UBAP2: variants seen among roughly 807,000 people sequenced by gnomAD.
The protein encoded by UBAP2 is ubiquitin associated protein 2.
In UBAP2, 75 loss-of-function variants were observed where a neutral mutation model predicts 139.6. The ratio of observed to expected loss-of-function variants is 0.54; its 90% confidence interval spans 0.45 to 0.65. UBAP2 has a LOEUF of 0.65. Ranked by LOEUF, UBAP2 falls within the 30% of genes least tolerant of loss-of-function variation. The pLI is 0.00. For synonymous variants in UBAP2, 526 were observed against 526.2 expected (o/e 1.00, Z 0.01); for missense variants, 1,368 against 1,369.6 (o/e 1.00, Z 0.02).
At chr9:33,981,154 TATATTCTGG>T (rs1484660190) in intron 6 of UBAP2, among the ~76,000 whole-genome samples, 1 of 38,328 alleles carries the variant, frequency 2.6e-5, no homozygotes, top group Non-Finnish European at 5.0e-5. Context: ...TATATATATA[TATATTCTGG>T]ATATATATAT....
chr9:34,006,093 C>T (rs1370901785), intron 2 of UBAP2, among the ~76,000 whole-genome samples: 2 of 151,950 alleles, frequency 1.3e-5, no homozygotes, highest in East Asian at 3.9e-4. Context: ...ATTAGCCGGG[C>T]ATGGTGGCGT....
At chr9:33,981,142 G>GAT (rs1268832117) in intron 6 of UBAP2, among the ~76,000 whole-genome samples, 86 of 972 alleles carry the variant, frequency 0.088, 32 homozygotes, top group African/African-American at 0.17. Flanking sequence ...ATATATTCTG[G>GAT]ATATATATAT....
At chr9:33,929,737 C>G (rs1823796492) in intron 19 of UBAP2, among the ~76,000 whole-genome samples, 1 of 152,202 alleles carries the variant, frequency 6.6e-6, no homozygotes, top group South Asian at 2.1e-4. Flanking sequence ...CACGGTGGCT[C>G]ACGCCTGTAA....
rs907288094 is a variant in UBAP2 at position 33,944,509 on chromosome 9, T to G, written c.1401A>C (p.Glu467Asp). 1 of 1,614,096 alleles carries G rather than the reference T, an allele frequency of 6.2e-7. No homozygotes were observed. The highest frequency in any genetic ancestry group is 1.7e-5 in the Admixed American group (1 of 60,008). ...TGGAGGGACTGTCTCCAGGTGTTGATTCTCGAAGTTTTGCCTGGGAAGGAA... is the reference window on the plus strand; with the variant it reads ...TGGAGGGACTGTCTCCAGGTGTTGAGTCTCGAAGTTTTGCCTGGGAAGGAA... ...ESFPSQAKLR[E>D]STPGDSPSTV... The change falls in exon 14 of 29, where the codon GAA (glutamate) becomes GAC (aspartate). Residue 467 changes from glutamate (E) to aspartate (D), a missense_variant. Coordinates refer to ENST00000379238, the MANE Select transcript of UBAP2 (RefSeq NM_001370062.2).
intron 13 of UBAP2, 148 bp from the exon 14 acceptor site, chr9:33,944,787 T>A (rs939564371): frequency 2.1e-6 from 2 of 958,074 alleles, no homozygotes; most frequent in African/African-American, 3.3e-5. Context: ...AACACTTCAT[T>A]TATGATAAAC....
At position 33,973,203 on chromosome 9, in the gene UBAP2, C is replaced by T. The variant is rs567279080; in HGVS notation, c.555G>A (p.Arg185=). The T allele has an allele frequency of 1.2e-6, 2 of 1,613,922 alleles. No individual in the cohort carries two copies. Among genetic ancestry groups the T allele is most frequent in the Admixed American group, 1.7e-5 (1 of 60,006 alleles). Reference sequence around the variant, plus strand: ...CTTACCCCATGCCTTGGGTTGAGAACCTTCCTGCCCCTCTCCCTCTGCCAC... The same window carrying T: ...CTTACCCCATGCCTTGGGTTGAGAATCTTCCTGCCCCTCTCCCTCTGCCAC... The part of the protein sequence containing the change: ...FGRGRGRGAG[R]FSTQGMGTFN... The change falls in exon 7 of 29, where the codon AGG becomes AGA. Residue 185 remains arginine, a synonymous_variant. Coordinates refer to ENST00000379238, the MANE Select transcript of UBAP2 (RefSeq NM_001370062.2).
chr9:33,946,884 C>G (rs978629408), intron 13 of UBAP2, among the ~76,000 whole-genome samples: 2 of 152,058 alleles, frequency 1.3e-5, no homozygotes, highest in Non-Finnish European at 2.9e-5. Context: ...ATATAGGGAC[C>G]TACAATTCCT....
At chr9:34,013,115 T>C (rs1354045851) in intron 2 of UBAP2, among the ~76,000 whole-genome samples, 6 of 132,606 alleles carry the variant, frequency 4.5e-5, no homozygotes, top group Non-Finnish European at 7.6e-5. Flanking sequence ...ATCAAGCCAC[T>C]GCACTGCAGC....
rs559193635 is a variant in UBAP2, at chr9:33,923,431, G to A, written c.2844C>T (p.Pro948=). ...AKQHGVNLST[P]TPPFQQASGY... is the part of the protein sequence containing the mutation. ...CACTGGCCTGCTGGAAGGGAGGTGT[G>A]GGAGTGCTGAGGTTCACCCCATGTT... Residue 948 remains proline, a synonymous_variant, in exon 25 of 29, where the codon CCC becomes CCT. Transcript: ENST00000379238. 2.5e-6 allele frequency: 4 copies of A among 1,614,146 alleles called. No homozygotes were observed. In the Admixed American group the frequency reaches 6.7e-5, roughly 27 times the overall value.
At chr9:33,948,616 C>T (rs1315445944) in intron 12 of UBAP2, 29 bp from the exon 13 acceptor site, 1 of 1,591,896 alleles carries the variant, frequency 6.3e-7, no homozygotes, top group Non-Finnish European at 8.6e-7. Flanking sequence ...AGAACAAATC[C>T]TCAACAATAC....
At chr9:33,980,101 A>G (rs1447178018) in intron 6 of UBAP2, among the ~76,000 whole-genome samples, 1 of 151,920 alleles carries the variant, frequency 6.6e-6, no homozygotes, top group African/African-American at 2.4e-5. Flanking sequence ...GTATCATGGA[A>G]TCAAATCTTC....
intron 16 of UBAP2, among the ~76,000 whole-genome samples, chr9:33,936,317 T>G (rs926691762): frequency 1.3e-5 from 2 of 152,054 alleles, no homozygotes; most frequent in African/African-American, 4.8e-5. Flanking sequence ...CTTTTTGAGA[T>G]GGTGTCTTGC....
chr9:33,923,090 C>G (rs943370586), intron 26 of UBAP2, 57 bp from the exon 27 acceptor site: 4 of 1,613,050 alleles, frequency 2.5e-6, no homozygotes, highest in Admixed American at 1.7e-5. Flanking sequence ...AGGCTCCCCA[C>G]CTCCAGGATC....
chr9:33,934,471 A>C lies in UBAP2; in HGVS notation c.1970-843T>G, dbSNP rs565660079. ...AGGTCAAAAACAAACATAAGCAATG[A>C]AAGGGTCAACTTACACCTAGGTCAG... On this transcript the variant is annotated intron_variant, in intron 17 of 28. Coordinates refer to ENST00000379238, the MANE Select transcript of UBAP2 (RefSeq NM_001370062.2). The C allele has an allele frequency of 3.8e-5, 6 of 155,862 alleles. No homozygotes were observed. In the South Asian group the frequency reaches 8.1e-4, roughly 21 times the overall value. The allele number at this position is 155,862 out of a possible 1,614,324, so 9.7% of individuals were successfully genotyped here. A position where few individuals can be genotyped will look rare whatever the true frequency, so the allele number is the denominator to read the frequency against.
At chr9:33,985,026 T>G (rs1821084720) in intron 6 of UBAP2, among the ~76,000 whole-genome samples, 1 of 152,108 alleles carries the variant, frequency 6.6e-6, no homozygotes, top group African/African-American at 2.4e-5. Context: ...GAATATAAAC[T>G]GGTACAGCCA....
chr9:33,972,716 C>T (rs1309881402), intron 7 of UBAP2, among the ~76,000 whole-genome samples: 2 of 152,210 alleles, frequency 1.3e-5, no homozygotes, highest in Non-Finnish European at 2.9e-5. Context: ...TCAATGTTTA[C>T]TATTTCAATT....
At chr9:33,926,506 C>A in intron 22 of UBAP2, 111 bp downstream of exon 22, 1 of 1,223,928 alleles carries the variant, frequency 8.2e-7, no homozygotes, top group South Asian at 1.2e-5. Flanking sequence ...CTGAGAGGTT[C>A]CTCAGGCAGA....
chr9:33,928,162 C>T, intron 19 of UBAP2, 170 bp from the exon 20 acceptor site: 1 of 613,350 alleles, frequency 1.6e-6, no homozygotes, highest in South Asian at 2.3e-5. Flanking sequence ...CTCACTGCGG[C>T]CCCTCACATA....
intron 1 of UBAP2, among the ~76,000 whole-genome samples, chr9:34,024,162 C>G (rs766506485): frequency 1.3e-4 from 19 of 151,852 alleles, no homozygotes; most frequent in Non-Finnish European, 2.1e-4. Context: ...AGTTCAAGAC[C>G]AGCCCGACCA....
Sources: allele counts gnomAD v4.1 joint callset (sites outside exome capture counted in the v4.1 genomes callset), GRCh38; gene constraint gnomAD v4.1.1; transcripts MANE v1.5; gene names NCBI Gene and HGNC (gene_info 2026-07-23, HGNC 2026-07-21).